The following LAMA2 variants were observed in gnomAD, a reference collection of about 807,000 sequenced individuals.
LAMA2 encodes laminin subunit alpha 2.
LAMA2 carries 269 observed loss-of-function variants against 364.8 expected under a neutral mutation model. The ratio of observed to expected loss-of-function variants is 0.74; its 90% confidence interval spans 0.67 to 0.82. The LOEUF is 0.82. LAMA2 is among the 40% of genes least tolerant of loss of function. LAMA2 has a pLI of 0.00. For synonymous variants in LAMA2, 1,379 were observed against 1,370.6 expected (o/e 1.01, Z -0.14); for missense variants, 3,807 against 3,873.2 (o/e 0.98, Z 0.45).
chr6:129,294,688 A>T (rs995201744), intron 20 of LAMA2, among the ~76,000 whole-genome samples: 1 of 152,130 alleles, frequency 6.6e-6, no homozygotes, highest in Non-Finnish European at 1.5e-5. Context: ...AAGACAAGAA[A>T]CTGGAGGCTT....
At chr6:128,890,807 A>T (rs1776410719) in intron 1 of LAMA2, among the ~76,000 whole-genome samples, 1 of 152,138 alleles carries the variant, frequency 6.6e-6, no homozygotes, top group South Asian at 2.1e-4. Context: ...CCCTTTAAGA[A>T]TAGTCAATGT....
chr6:129,098,434 C>G lies in LAMA2; in HGVS notation c.639+19C>G. On this transcript the variant is annotated intron_variant, in intron 4 of 64. Transcript: ENST00000421865. The stretch of plus-strand genomic sequence containing the variant: ...TGGAGAGGTAAGATGAGAAAACTCA[C>G]CATTTAAGCACATTTGATACGGTGA... The G allele has an allele frequency of 6.2e-7, 1 of 1,613,388 alleles. No individual in the cohort carries two copies.
intron 12 of LAMA2, among the ~76,000 whole-genome samples, chr6:129,223,560 T>C (rs542833807): frequency 2.0e-5 from 3 of 152,360 alleles, no homozygotes; most frequent in Admixed American, 6.5e-5. Flanking sequence ...TTTCTACATA[T>C]GGCTAGCCAG....
intron 2 of LAMA2, among the ~76,000 whole-genome samples, chr6:129,052,209 C>T (rs1222556520): frequency 1.8e-4 from 27 of 149,214 alleles, no homozygotes; most frequent in Non-Finnish European, 3.0e-5. Context: ...GATCTCGGCT[C>T]ACTGCAAGCT....
intron 4 of LAMA2, among the ~76,000 whole-genome samples, chr6:129,099,508 C>T (rs1004700345): frequency 7.2e-5 from 11 of 152,100 alleles, no homozygotes; most frequent in Admixed American, 4.6e-4. Flanking sequence ...TCCTTTCATG[C>T]TACCTAATTA....
chr6:128,906,444 T>C (rs1294517298), intron 1 of LAMA2, among the ~76,000 whole-genome samples: 3 of 118,574 alleles, frequency 2.5e-5, no homozygotes, highest in East Asian at 2.3e-4. Flanking sequence ...TTTTGAGAAG[T>C]GTCTGTTCAT....
rs11342050 is a variant in LAMA2, at chr6:128,965,979, G to GTTT, written c.112+82641_112+82643dup. ...TGGAATATTAACATGTAAACCAGAG[G>GTTT]TTTTTTTTTTTTTTTTTTTTTGAAC... On this transcript the variant is annotated intron_variant, in intron 1 of 64. Transcript: ENST00000421865. 6.1e-3 allele frequency among the ~76,000 whole-genome samples: 687 copies of GTTT among 112,782 alleles called. 20 individuals carry two copies. Among genetic ancestry groups the GTTT allele is most frequent in the African/African-American group, 0.022 (639 of 29,288 alleles). 74.0% of individuals were successfully genotyped at this position (112,782 alleles called of 152,430 possible).
At chr6:129,465,604 AT>A (rs1055747660) in intron 51 of LAMA2, among the ~76,000 whole-genome samples, 6 of 151,794 alleles carry the variant, frequency 4.0e-5, no homozygotes, top group African/African-American at 1.5e-4. Context: ...TTTTCTCCCT[AT>A]TTTGTCAAGA....
intron 14 of LAMA2, among the ~76,000 whole-genome samples, chr6:129,253,476 C>A (rs1390468991): frequency 2.6e-5 from 4 of 152,202 alleles, no homozygotes; most frequent in Admixed American, 6.5e-5. Context: ...ACTGCAGAAT[C>A]ATAAACAGAA....
intron 2 of LAMA2, among the ~76,000 whole-genome samples, chr6:129,053,200 T>G (rs919390970): frequency 1.3e-5 from 2 of 152,160 alleles, no homozygotes; most frequent in Non-Finnish European, 2.9e-5. Flanking sequence ...TGCCTCAGCC[T>G]CCTGAGAGGC....
chr6:129,031,186 A>G (rs1562168790), intron 1 of LAMA2, among the ~76,000 whole-genome samples: 1 of 152,218 alleles, frequency 6.6e-6, no homozygotes, highest in Non-Finnish European at 1.5e-5. Context: ...TCTCACTGTG[A>G]AAAAAATTTG....
At chr6:129,226,724 T>C (rs1784311951) in intron 12 of LAMA2, among the ~76,000 whole-genome samples, 1 of 152,142 alleles carries the variant, frequency 6.6e-6, no homozygotes, top group African/African-American at 2.4e-5. Flanking sequence ...TGGGCTTCCC[T>C]TTGAGGGTAA....
chr6:129,099,057 A>G (rs1775350046), intron 4 of LAMA2, among the ~76,000 whole-genome samples: 2 of 148,966 alleles, frequency 1.3e-5, no homozygotes, highest in South Asian at 4.2e-4. Context: ...TAAGCCACAT[A>G]TTCTAACCAT....
intron 9 of LAMA2, among the ~76,000 whole-genome samples, chr6:129,174,057 G>A (rs567290049): frequency 4.5e-4 from 68 of 152,096 alleles, no homozygotes; most frequent in African/African-American, 1.5e-3. Context: ...TATGTAATCA[G>A]CTGTCAAAGT....
chr6:129,073,223 T>C (rs1047391757), intron 3 of LAMA2, among the ~76,000 whole-genome samples: 1 of 152,200 alleles, frequency 6.6e-6, no homozygotes, highest in Admixed American at 6.5e-5. Context: ...ATTTCTATCA[T>C]GAAGTAAGCG....
At chr6:129,457,877 A>T (rs1259838699) in intron 48 of LAMA2, among the ~76,000 whole-genome samples, 1 of 152,136 alleles carries the variant, frequency 6.6e-6, no homozygotes, top group African/African-American at 2.4e-5. Flanking sequence ...TAGTAGAAAG[A>T]GTGAACAAGC....
At chr6:129,137,007 C>A (rs1215436058) in intron 4 of LAMA2, among the ~76,000 whole-genome samples, 1 of 152,104 alleles carries the variant, frequency 6.6e-6, no homozygotes, top group East Asian at 1.9e-4. Flanking sequence ...AAGCATAATA[C>A]CTTCTTATCT....
At position 129,234,277 on chromosome 6, in the gene LAMA2, G is replaced by T. The variant is rs534536549; in HGVS notation, c.1783-15835G>T. 4.6e-5 allele frequency among the ~76,000 whole-genome samples: 7 copies of T among 152,274 alleles called. No individual in the cohort carries two copies. The South Asian group carries it at 1.4e-3, about 32-fold the overall frequency. Reference sequence around the variant, plus strand: ...CCTCCAGTAATTAATGTCCAAATATGCAACCAATTTAAATGATGTCTACAT... The same window carrying T: ...CCTCCAGTAATTAATGTCCAAATATTCAACCAATTTAAATGATGTCTACAT... On this transcript the variant is annotated intron_variant, in intron 12 of 64. Coordinates refer to ENST00000421865, the MANE Select transcript of LAMA2 (RefSeq NM_000426.4).
intron 21 of LAMA2, among the ~76,000 whole-genome samples, chr6:129,299,053 T>C (rs1431193060): frequency 6.6e-6 from 1 of 151,912 alleles, no homozygotes; most frequent in East Asian, 1.9e-4. Context: ...AAATTATAAA[T>C]GAGACCAAGA....
Sources: allele counts gnomAD v4.1 joint callset (sites outside exome capture counted in the v4.1 genomes callset), GRCh38; gene constraint gnomAD v4.1.1; transcripts MANE v1.5; gene names NCBI Gene and HGNC (gene_info 2026-07-23, HGNC 2026-07-21).